Variants in DHTKD1 observed in about 807,000 individuals in gnomAD.
DHTKD1 encodes the protein 2-oxoadipate dehydrogenase complex component E1.
DHTKD1 carries 78 observed loss-of-function variants against 101.8 expected under a neutral mutation model. The ratio of observed to expected loss-of-function variants is 0.77; its 90% CI spans 0.64 to 0.93. The LOEUF is 0.93. DHTKD1 is among the 40% of genes least tolerant of loss of function. The pLI, the probability that DHTKD1 is intolerant of heterozygous loss-of-function variation, is 0.00. For missense variants in DHTKD1, 1,223 were observed against 1,161.7 expected (o/e 1.05, Z -0.77); for synonymous variants, 462 against 450.3 (o/e 1.03, Z -0.33).
At chr10:12,080,030 C>T (rs565016067) in intron 1 of DHTKD1, among the ~76,000 whole-genome samples, 25 of 152,274 alleles carry the variant, frequency 1.6e-4, no homozygotes, top group South Asian at 4.1e-4. Context: ...CCTGTAATCC[C>T]GGCACTTTGG....
Position 12,100,217 on chromosome 10 carries a change from T to G in DHTKD1, c.1711T>G (p.Trp571Gly), listed in dbSNP as rs766464907. The change falls in exon 9 of 17, where the codon TGG becomes GGG. Residue 571 changes from tryptophan (W) to glycine (G), a missense_variant. Physicochemically the swap from Trp to Gly is radical, Grantham distance 184. Transcript: ENST00000263035. ...GATGATGGACGGAATCAAGCTAGAC[T>G]GGGCCACCGCGGAAGCTCTTGCCTT... ...EKMMDGIKLDWATAEALALGS... is the reference protein window; with the variant it reads ...EKMMDGIKLDGATAEALALGS... The G allele has an allele frequency of 5.0e-6, 8 of 1,597,422 alleles. No individual in the cohort carries two copies. The African/African-American group carries it at 9.5e-5, about 19-fold the overall frequency.
At chr10:12,075,159 G>C (rs1832706286) in intron 1 of DHTKD1, among the ~76,000 whole-genome samples, 1 of 152,132 alleles carries the variant, frequency 6.6e-6, no homozygotes, top group Non-Finnish European at 1.5e-5. Context: ...CTATGTCAAT[G>C]CATAGAGATC....
chr10:12,101,502 T>C (rs781111901), intron 10 of DHTKD1, among the ~76,000 whole-genome samples: 6 of 152,234 alleles, frequency 3.9e-5, no homozygotes, highest in Non-Finnish European at 7.3e-5. Flanking sequence ...TATGGATAAG[T>C]CAGTATTCCT....
In DHTKD1 at chr10:12,081,211, T is replaced by C. The variant is rs1009204923; in HGVS notation, c.155-261T>C. On this transcript the variant is annotated intron_variant, in intron 1 of 16. Coordinates refer to ENST00000263035, the MANE Select transcript of DHTKD1 (RefSeq NM_018706.7). ...ATGGCGTGAACCTGGGAGGCAGAGC[T>C]TGCAGTGAGCCGAGATTGTGCCACT... Among the ~76,000 whole-genome samples, 6 of 138,028 alleles carry C rather than the reference T, an allele frequency of 4.3e-5. No individual in the cohort carries two copies. The East Asian group carries it at 1.1e-3, about 25-fold the overall frequency. The allele number at this position is 138,028 out of a possible 152,430, so 90.6% of individuals were successfully genotyped here. A position where few individuals can be genotyped will look rare whatever the true frequency, so the allele number is the denominator to read the frequency against.
At chr10:12,092,904 G>T (rs192082134) in intron 6 of DHTKD1, among the ~76,000 whole-genome samples, 179 of 152,158 alleles carry the variant, frequency 1.2e-3, no homozygotes, top group African/African-American at 4.2e-3. Context: ...TGTTTTGAGA[G>T]TCTTGCTCTG....
At chr10:12,085,846 C>T (rs1228080100) in intron 3 of DHTKD1, among the ~76,000 whole-genome samples, 1 of 152,130 alleles carries the variant, frequency 6.6e-6, no homozygotes, top group East Asian at 1.9e-4. Context: ...GAGATCACAC[C>T]ACTGCAGTGA....
chr10:12,111,873 G>C (rs1008609188), intron 12 of DHTKD1, among the ~76,000 whole-genome samples: 3 of 152,170 alleles, frequency 2.0e-5, no homozygotes, highest in Non-Finnish European at 4.4e-5. Flanking sequence ...TGTTGGTCAG[G>C]ATTCTAAAGT....
intron 6 of DHTKD1, among the ~76,000 whole-genome samples, 179 bp downstream of exon 6, chr10:12,091,863 A>G (rs968208846): frequency 1.3e-5 from 2 of 151,986 alleles, no homozygotes; most frequent in Non-Finnish European, 2.9e-5. Context: ...GTAGTGCAGC[A>G]GCACGATCTT....
intron 13 of DHTKD1, among the ~76,000 whole-genome samples, chr10:12,117,383 C>T (rs1018608086): frequency 5.4e-5 from 8 of 146,820 alleles, no homozygotes; most frequent in Admixed American, 2.1e-4. Flanking sequence ...AAGGGAGTCT[C>T]GCTATGTTGC....
At chr10:12,076,304 C>T (rs556969295) in intron 1 of DHTKD1, among the ~76,000 whole-genome samples, 5 of 152,302 alleles carry the variant, frequency 3.3e-5, no homozygotes, top group Non-Finnish European at 7.4e-5. Context: ...GGTGAAACCC[C>T]GTCTCTACTA....
intron 12 of DHTKD1, among the ~76,000 whole-genome samples, chr10:12,112,588 A>C (rs1389264451): frequency 1.3e-5 from 2 of 151,944 alleles, no homozygotes; most frequent in Non-Finnish European, 2.9e-5. Flanking sequence ...CCCTGTCTTA[A>C]CCCTGTAGTA....
In DHTKD1 at chr10:12,094,203, C is replaced by T. The variant is rs1409019768; in HGVS notation, c.1290C>T (p.Tyr430=). 6 of 1,614,204 alleles carry T rather than the reference C, an allele frequency of 3.7e-6. No homozygotes were observed. Among genetic ancestry groups the T allele is most frequent in the Non-Finnish European group, 5.1e-6 (6 of 1,180,038 alleles). Residue 430 remains tyrosine, a synonymous_variant, in exon 7 of 17, where the codon TAC becomes TAT. Transcript: ENST00000263035. The part of the protein sequence containing the change: ...RKDVIIDLLC[Y]RQWGHNELDE... ...ATGTGATTATTGATCTGTTGTGCTA[C>T]AGGCAGTGGGGCCACAATGAGCTGG... is the stretch of plus-strand genomic sequence containing the variant.
chr10:12,080,689 T>C (rs10737059), intron 1 of DHTKD1, among the ~76,000 whole-genome samples: 71,609 of 148,040 alleles, frequency 0.48, 19,177 homozygotes, highest in South Asian at 0.72. Flanking sequence ...CCAGCCTGGG[T>C]GACATAGCAA....
chr10:12,086,223 TTTC>T lies in DHTKD1; in HGVS notation c.523-1309_523-1307del, dbSNP rs1224728216. Among the ~76,000 whole-genome samples the T allele has an allele frequency of 6.1e-3, 49 of 7,976 alleles. 5 individuals are homozygous for T. Among genetic ancestry groups the T allele is most frequent in the Non-Finnish European group, 0.021 (26 of 1,234 alleles). The allele number at this position is 7,976 out of a possible 152,430, so 5.2% of individuals were successfully genotyped here. On this transcript the variant is annotated intron_variant, in intron 3 of 16. Coordinates refer to ENST00000263035, the MANE Select transcript of DHTKD1 (RefSeq NM_018706.7). ...AAAATTTATTTTTCTTTTGTTTTCT[TTTC>T]TTTTTTTTTTTTTTGAGATGGATTC...
chr10:12,118,422 G>C (rs1156942794), intron 14 of DHTKD1, among the ~76,000 whole-genome samples: 3 of 143,032 alleles, frequency 2.1e-5, no homozygotes, highest in African/African-American at 7.9e-5. Context: ...TTGCTCTGTC[G>C]CCCAGGCTGG....
intron 12 of DHTKD1, 108 bp downstream of exon 12, chr10:12,108,123 T>G (rs1192681980): frequency 4.1e-6 from 3 of 729,128 alleles, no homozygotes; most frequent in Non-Finnish European, 4.6e-6. Context: ...CAGCTTAGTA[T>G]TTGAGTGAAA....
Position 12,091,664 on chromosome 10 carries a change from C to T in DHTKD1, c.1139C>T (p.Ser380Phe). The change falls in exon 6 of 17, where the codon TCT (serine) becomes TTT (phenylalanine). Residue 380 changes from serine to phenylalanine, a missense_variant. Physicochemically the swap from Ser to Phe is radical, Grantham distance 155. Coordinates refer to ENST00000263035, the MANE Select transcript of DHTKD1 (RefSeq NM_018706.7). ...YTTPAERGRS[S>F]LYCSDIGKLV... ...ACTCCAGCTGAAAGAGGAAGGTCTT[C>T]TTTATACTGCAGTGATATTGGTACG... is the stretch of plus-strand genomic sequence containing the variant. The T allele has an allele frequency of 1.2e-6, 2 of 1,613,830 alleles. No individual in the cohort carries two copies. Among genetic ancestry groups the T allele is most frequent in the Non-Finnish European group, 1.7e-6 (2 of 1,179,926 alleles).
chr10:12,079,177 A>C (rs1832777644), intron 1 of DHTKD1, among the ~76,000 whole-genome samples: 3 of 151,898 alleles, frequency 2.0e-5, no homozygotes, highest in Non-Finnish European at 4.4e-5. Flanking sequence ...GCAGCCTCGA[A>C]CTCCTGGGTT....
intron 7 of DHTKD1, 164 bp downstream of exon 7, chr10:12,094,435 A>T: frequency 1.5e-6 from 1 of 659,460 alleles, no homozygotes; most frequent in Non-Finnish European, 2.7e-6. Flanking sequence ...CTCCTGCCTC[A>T]AGTGATCCTC....
Sources: gnomAD v4.1 joint callset for allele counts (sites outside exome capture counted in the v4.1 genomes callset) on GRCh38, gnomAD v4.1.1 for gene constraint, MANE v1.5 for transcripts, NCBI Gene and HGNC (gene_info 2026-07-23, HGNC 2026-07-21) for gene names.